Variants in VCF1 observed in about 807,000 individuals in gnomAD.
VCF1 encodes the protein protein VCF1.
At chr17:73,227,790 T>A in the VCF1 span, 1 of 331,648 alleles carries the variant, frequency 3.0e-6, no homozygotes, top group Non-Finnish European at 4.3e-6. Flanking sequence ...ATTACTTCAC[T>A]AGATTGTTAC....
chr17:73,209,850 T>TTA, the VCF1 span: 1 of 1,505,564 alleles, frequency 6.6e-7, no homozygotes, highest in East Asian at 2.5e-5. Context: ...TACAGCGCTC[T>TTA]ATTAAGAGTA....
At chr17:73,232,384 C>A in the VCF1 span, 1 of 1,422,056 alleles carries the variant, frequency 7.0e-7, no homozygotes, top group Non-Finnish European at 9.2e-7. Context: ...TAACCCCGCC[C>A]ACGGGAAGAG....
the VCF1 span, among the ~76,000 whole-genome samples, chr17:73,230,258 T>C: frequency 1.3e-5 from 2 of 152,076 alleles, no homozygotes; most frequent in Admixed American, 6.6e-5. Flanking sequence ...ATGGGGCCAC[T>C]GCACTCCAGC....
the VCF1 span, chr17:73,232,033 C>T: frequency 2.6e-6 from 4 of 1,517,018 alleles, no homozygotes; most frequent in Middle Eastern, 2.1e-4. Flanking sequence ...CCCCTCGGCT[C>T]TATCTCCCAG....
At chr17:73,225,901 T>TATATA in the VCF1 span, among the ~76,000 whole-genome samples, 1 of 78,322 alleles carries the variant, frequency 1.3e-5, no homozygotes, top group African/African-American at 6.3e-5. Flanking sequence ...ATATATATAT[T>TATATA]TTTTTTTTTT....
chr17:73,231,619 A>G, the VCF1 span, among the ~76,000 whole-genome samples: 4 of 152,176 alleles, frequency 2.6e-5, no homozygotes, highest in Non-Finnish European at 4.4e-5. Context: ...TCTTCGGTCT[A>G]ACCGAATCTT....
chr17:73,217,158 C>T, the VCF1 span, among the ~76,000 whole-genome samples: 2 of 150,592 alleles, frequency 1.3e-5, no homozygotes, highest in African/African-American at 2.4e-5. Flanking sequence ...GGTGAAACCT[C>T]ATCTCTACTA....
chr17:73,232,196 C>T, the VCF1 span: 1 of 1,610,432 alleles, frequency 6.2e-7, no homozygotes, highest in South Asian at 1.1e-5. Flanking sequence ...CACGCCCACC[C>T]CCTCGGGCCT....
chr17:73,225,899 A>ATTTTTTT, the VCF1 span, among the ~76,000 whole-genome samples: 1 of 114,862 alleles, frequency 8.7e-6, no homozygotes, highest in African/African-American at 3.8e-5. Flanking sequence ...ATATATATAT[A>ATTTTTTT]TTTTTTTTTT....
At chr17:73,212,872 T>G in the VCF1 span, 1 of 525,210 alleles carries the variant, frequency 1.9e-6, no homozygotes, top group Non-Finnish European at 3.3e-6. Context: ...TTTAAACAGA[T>G]TAGGGAAGAT....
the VCF1 span, among the ~76,000 whole-genome samples, chr17:73,230,736 C>T: frequency 6.6e-6 from 1 of 152,296 alleles, no homozygotes; most frequent in East Asian, 1.9e-4. Context: ...GCTGGCAGAG[C>T]TGGCCCATCA....
the VCF1 span, chr17:73,229,620 C>G: frequency 2.8e-5 from 27 of 974,824 alleles, no homozygotes; most frequent in Non-Finnish European, 3.3e-5. Flanking sequence ...AATCCCAGCA[C>G]TTTGGGAGGC....
At chr17:73,223,825 A>G in the VCF1 span, among the ~76,000 whole-genome samples, 3 of 151,686 alleles carry the variant, frequency 2.0e-5, no homozygotes, top group African/African-American at 7.3e-5. Flanking sequence ...ACAAAAAATT[A>G]AAAAAATTAG....
At chr17:73,230,694 G>A in the VCF1 span, among the ~76,000 whole-genome samples, 8 of 152,272 alleles carry the variant, frequency 5.3e-5, no homozygotes, top group African/African-American at 1.9e-4. Flanking sequence ...ACCGCACCCA[G>A]CCGAAAAACC....
chr17:73,221,747 CCAGG>C, the VCF1 span, among the ~76,000 whole-genome samples: 178 of 152,020 alleles, frequency 1.2e-3, no homozygotes, highest in African/African-American at 4.0e-3. Context: ...TTAAAACTAG[CCAGG>C]TGGGCCGGGC....
At chr17:73,228,895 CA>C in the VCF1 span, among the ~76,000 whole-genome samples, 1 of 152,190 alleles carries the variant, frequency 6.6e-6, no homozygotes, top group Non-Finnish European at 1.5e-5. Flanking sequence ...GGTCCTCACA[CA>C]CCCATTTTAT....
the VCF1 span, among the ~76,000 whole-genome samples, chr17:73,211,354 C>A: frequency 6.6e-6 from 1 of 152,042 alleles, no homozygotes; most frequent in Non-Finnish European, 1.5e-5. Flanking sequence ...GTGGCTCATG[C>A]CTCAGGAGTT....
chr17:73,207,409 G>A, the VCF1 span: 6 of 789,204 alleles, frequency 7.6e-6, no homozygotes, highest in Middle Eastern at 2.2e-4. Context: ...AGAAGTACAA[G>A]GTTTTACTAG....
At chr17:73,229,465 C>T in the VCF1 span, 2 of 985,404 alleles carry the variant, frequency 2.0e-6, no homozygotes, top group Non-Finnish European at 2.4e-6. Context: ...GTGCAGATTA[C>T]CAGTTAGCAT....
Sources: allele counts gnomAD v4.1 joint callset (sites outside exome capture counted in the v4.1 genomes callset), GRCh38; gene constraint gnomAD v4.1.1; transcripts MANE v1.5; gene names NCBI Gene and HGNC (gene_info 2026-07-23, HGNC 2026-07-21).